The following MYO9A variants were observed in gnomAD, a reference collection of about 807,000 sequenced individuals.
The protein encoded by MYO9A is myosin IXA, also known as unconventional myosin-IXa.
Under a neutral mutation model 293.3 loss-of-function variants are expected in MYO9A, and 103 were observed. That is an observed-to-expected ratio of 0.35 (90% CI 0.30 to 0.41). The LOEUF (loss-of-function observed/expected upper bound fraction) is 0.41, where lower values mean the gene tolerates loss of function less well. MYO9A is among the 10% of genes least tolerant of loss of function. The pLI is 1.00. For synonymous variants in MYO9A, 1,001 were observed against 1,035.7 expected, an observed-to-expected ratio of 0.97 and a Z score of 0.64; for missense variants, 2,685 against 3,033.0, an observed-to-expected ratio of 0.89 and a Z score of 2.69.
Position 71,903,974 on chromosome 15 carries a change from T to C in MYO9A, c.2832A>G (p.Thr944=). Reference sequence around the variant, plus strand: ...TGTATCCTGATTGGCGAATTCGAACTGTTTCCAGCATCCCGGTGTATCGAA... The same window carrying C: ...TGTATCCTGATTGGCGAATTCGAACCGTTTCCAGCATCCCGGTGTATCGAA... ...RQLRYTGMLE[T]VRIRQSGYSS... is the part of the protein sequence containing the mutation. The change falls in exon 21 of 42, where the codon ACA becomes ACG. Residue 944 remains threonine (T), a synonymous_variant. Transcript: ENST00000356056. 6.2e-7 allele frequency: 1 copy of C among 1,614,138 alleles called. No homozygotes were observed. Among genetic ancestry groups the C allele is most frequent in the South Asian group, 1.1e-5 (1 of 91,072 alleles).
Position 71,980,651 on chromosome 15 carries a change from A to G in MYO9A, c.1723-2359T>C, listed in dbSNP as rs151222560. ...TGAGTTTGAGACTAACCAGGACAAC[A>G]TATTGAGACCCTGACTCTACAAAAA... On this transcript the variant is annotated intron_variant, in intron 11 of 41. Coordinates refer to ENST00000356056, the MANE Select transcript of MYO9A (RefSeq NM_006901.4). Among the ~76,000 whole-genome samples, 859 of 152,198 alleles carry G rather than the reference A, an allele frequency of 5.6e-3. 12 individuals carry two copies. Among genetic ancestry groups the G allele is most frequent in the African/African-American group, 0.02 (813 of 41,518 alleles).
chr15:72,111,663 G>T, intron 1 of MYO9A, among the ~76,000 whole-genome samples: 1 of 147,404 alleles, frequency 6.8e-6, no homozygotes, highest in African/African-American at 2.5e-5. Flanking sequence ...TTGAGGCAGG[G>T]TCTCACTCTG....
chr15:71,991,306 A>T (rs1040816933), intron 10 of MYO9A, 69 bp from the exon 11 acceptor site: 2 of 1,310,008 alleles, frequency 1.5e-6, no homozygotes, highest in African/African-American at 1.5e-5. Flanking sequence ...TATCCACAAC[A>T]TAAGTAACAA....
intron 8 of MYO9A, among the ~76,000 whole-genome samples, chr15:72,007,041 T>G (rs973454854): frequency 6.6e-6 from 1 of 152,188 alleles, no homozygotes; most frequent in African/African-American, 2.4e-5. Context: ...GCTAGAATGA[T>G]CCACGTGGGG....
At chr15:72,025,939 A>G (rs2077652322) in intron 4 of MYO9A, among the ~76,000 whole-genome samples, 2 of 152,144 alleles carry the variant, frequency 1.3e-5, no homozygotes, top group African/African-American at 4.8e-5. Flanking sequence ...ATTTAAGGAG[A>G]TTGAAATCAT....
intron 1 of MYO9A, among the ~76,000 whole-genome samples, chr15:72,091,032 C>CA (rs986199761): frequency 6.0e-5 from 9 of 150,562 alleles, no homozygotes; most frequent in African/African-American, 1.9e-4. Flanking sequence ...CTCATCTCCA[C>CA]AAAAAAAATT....
intron 11 of MYO9A, among the ~76,000 whole-genome samples, chr15:71,985,038 G>A (rs1363641503): frequency 6.6e-6 from 1 of 152,088 alleles, no homozygotes; most frequent in Non-Finnish European, 1.5e-5. Context: ...TCCTCCCTCA[G>A]CCTCTTGTAT....
intron 6 of MYO9A, among the ~76,000 whole-genome samples, chr15:72,016,769 G>C (rs2077351790): frequency 6.6e-6 from 1 of 152,094 alleles, no homozygotes; most frequent in African/African-American, 2.4e-5. Flanking sequence ...GTATGATTAA[G>C]GGAAGAGGAG....
At position 71,935,523 on chromosome 15, in the gene MYO9A, C is replaced by T. The variant is rs549871518; in HGVS notation, c.2379-39G>A. Reference sequence around the variant, plus strand: ...AATTTGCTTTAGTTAATGAAGACGTCTCTAACACTATACTGCTTAAATAAG... The same window carrying T: ...AATTTGCTTTAGTTAATGAAGACGTTTCTAACACTATACTGCTTAAATAAG... On this transcript the variant is annotated intron_variant, in intron 16 of 41. Coordinates refer to ENST00000356056, the MANE Select transcript of MYO9A (RefSeq NM_006901.4). 1.6e-5 allele frequency: 25 copies of T among 1,574,676 alleles called. No individual in the cohort carries two copies. The South Asian group carries it at 2.8e-4, about 18-fold the overall frequency.
At chr15:71,845,072 GT>G (rs2055324067) in intron 39 of MYO9A, among the ~76,000 whole-genome samples, 1 of 152,194 alleles carries the variant, frequency 6.6e-6, no homozygotes, top group African/African-American at 2.4e-5. Context: ...GAAGATCACT[GT>G]TGAGTGCCTT....
At chr15:72,031,591 T>C (rs2077873233) in intron 3 of MYO9A, among the ~76,000 whole-genome samples, 1 of 152,176 alleles carries the variant, frequency 6.6e-6, no homozygotes, top group Non-Finnish European at 1.5e-5. Context: ...TATACTCAAC[T>C]ATCTTTGGGT....
intron 8 of MYO9A, among the ~76,000 whole-genome samples, chr15:72,001,471 T>C (rs1015000323): frequency 1.3e-5 from 2 of 148,950 alleles, no homozygotes; most frequent in African/African-American, 5.0e-5. Flanking sequence ...GGAGAATCAC[T>C]TGAAACCGGG....
rs2054464830 is a variant in MYO9A, at chr15:71,825,936, T to A, written c.*644A>T. ...AATAGGTATTCTCTTCTTCACTGTA[T>A]AACAAGATATCTGAGACACGCTCTG... On this transcript the variant is annotated 3_prime_UTR_variant, in exon 42 of 42. Transcript: ENST00000356056. The A allele has an allele frequency of 6.6e-6, 1 of 150,436 alleles. No homozygotes were observed. 9.3% of individuals were successfully genotyped at this position (150,436 alleles called of 1,614,324 possible).
chr15:72,106,927 A>T (rs1567048199), intron 1 of MYO9A, among the ~76,000 whole-genome samples: 1 of 152,252 alleles, frequency 6.6e-6, no homozygotes, highest in Non-Finnish European at 1.5e-5. Flanking sequence ...ATACAGTCTA[A>T]GGACAAAAAG....
At chr15:71,953,012 C>T (rs1367866429) in intron 14 of MYO9A, among the ~76,000 whole-genome samples, 1 of 152,024 alleles carries the variant, frequency 6.6e-6, no homozygotes, top group African/African-American at 2.4e-5. Flanking sequence ...TACCATAAAT[C>T]ATGTAATATT....
Position 71,904,999 on chromosome 15 carries a change from A to G in MYO9A, c.2693T>C (p.Leu898Ser), listed in dbSNP as rs2057589234. 3.1e-6 allele frequency: 5 copies of G among 1,601,632 alleles called. No individual in the cohort carries two copies. Among genetic ancestry groups the G allele is most frequent in the Non-Finnish European group, 3.4e-6 (4 of 1,171,570 alleles). ...ACCAAGTGTTTCCATTAGCTTGCTT[A>G]ATGATGCCTGCAACAGAAAGCAATA... ...PSISAQFQAS[L>S]SKLMETLGQA... Residue 898 changes from leucine (L) to serine (S), a missense_variant, in exon 20 of 42, where the codon TTA becomes TCA. Transcript: ENST00000356056.
intron 1 of MYO9A, among the ~76,000 whole-genome samples, chr15:72,089,945 T>C (rs796735479): frequency 7.2e-5 from 11 of 152,330 alleles, no homozygotes; most frequent in African/African-American, 2.6e-4. Flanking sequence ...GAGTGGGATA[T>C]TAAACAATCT....
At chr15:71,848,105 G>A (rs939711483) in intron 39 of MYO9A, among the ~76,000 whole-genome samples, 1 of 151,700 alleles carries the variant, frequency 6.6e-6, no homozygotes, top group African/African-American at 2.4e-5. Context: ...GGTGGCAAAT[G>A]GGCAATAAAT....
intron 13 of MYO9A, among the ~76,000 whole-genome samples, chr15:71,963,525 C>T (rs540695318): frequency 2.6e-5 from 4 of 152,000 alleles, no homozygotes; most frequent in East Asian, 3.9e-4. Flanking sequence ...CTTGGCTCAC[C>T]GCAACCTCCA....
Sources: allele counts gnomAD v4.1 joint callset (sites outside exome capture counted in the v4.1 genomes callset), GRCh38; gene constraint gnomAD v4.1.1; transcripts MANE v1.5; gene names NCBI Gene and HGNC (gene_info 2026-07-23, HGNC 2026-07-21).